DLEC1: variants seen among roughly 807,000 people sequenced by gnomAD.
DLEC1 encodes the protein deleted in lung and esophageal cancer protein 1.
A neutral mutation model predicts 198.1 loss-of-function variants in DLEC1; 146 were observed. The observed-to-expected ratio is 0.74, with a 90% confidence interval of 0.64 to 0.85. DLEC1 has a LOEUF of 0.85. Among genes scored for constraint, DLEC1 ranks in the 40% least tolerant of loss-of-function variants. The pLI is 0.00. For missense variants in DLEC1, 2,233 were observed against 2,220.0 expected (o/e 1.01, Z -0.12); for synonymous variants, 897 against 866.8 (o/e 1.03, Z -0.61).
intron 1 of DLEC1, among the ~76,000 whole-genome samples, chr3:38,043,517 AT>A (rs1275738822): frequency 6.6e-6 from 1 of 152,172 alleles, no homozygotes; most frequent in Non-Finnish European, 1.5e-5. Context: ...CTCCAAGAAG[AT>A]TTAGTTACTT....
intron 9 of DLEC1, among the ~76,000 whole-genome samples, chr3:38,087,712 A>G (rs894220995): frequency 4.6e-5 from 7 of 152,260 alleles, no homozygotes; most frequent in African/African-American, 1.7e-4. Flanking sequence ...TGACATTTCA[A>G]GATGTTCCAA....
rs9826039 is a variant in DLEC1, at chr3:38,096,229, G to A, written c.2171+283G>A. Among the ~76,000 whole-genome samples the A allele has an allele frequency of 0.12, 18,265 of 152,246 alleles. 1,536 individuals carry two copies. The highest frequency in any genetic ancestry group is 0.23 in the African/African-American group (9,501 of 41,512). On this transcript the variant is annotated intron_variant, in intron 14 of 36. Coordinates refer to ENST00000308059, the MANE Select transcript of DLEC1 (RefSeq NM_007335.4). Reference sequence around the variant, plus strand: ...GAGCCAAACTGGGGGGCCCTCGGTGGTGGTGAGTGTGGAGGAAAAGCTTTG... The same window carrying A: ...GAGCCAAACTGGGGGGCCCTCGGTGATGGTGAGTGTGGAGGAAAAGCTTTG...
chr3:38,109,074 G>A (rs761665377), intron 21 of DLEC1, among the ~76,000 whole-genome samples: 4 of 152,220 alleles, frequency 2.6e-5, no homozygotes, highest in Non-Finnish European at 5.9e-5. Context: ...GCTCTGGGAC[G>A]ACAGACAGGC....
rs536835556 is a variant in DLEC1 at position 38,049,663 on chromosome 3, C to T, written c.562+3970C>T. On this transcript the variant is annotated intron_variant, in intron 2 of 36. Coordinates refer to ENST00000308059, the MANE Select transcript of DLEC1 (RefSeq NM_007335.4). ...CTTTTCCAAGGCTCGGGGTACATGC[C>T]CAGGCCTGACAGCTCCTGCAGACAC... is the stretch of plus-strand genomic sequence containing the variant. Among the ~76,000 whole-genome samples the T allele has an allele frequency of 2.0e-5, 3 of 152,286 alleles. No individual in the cohort carries two copies. The East Asian group carries it at 5.8e-4, about 29-fold the overall frequency.
rs937821562 is a variant in DLEC1 at position 38,112,140 on chromosome 3, C to T, written c.3515-70C>T. The T allele has an allele frequency of 4.4e-6, 7 of 1,600,274 alleles. No homozygotes were observed. Among genetic ancestry groups the T allele is most frequent in the Non-Finnish European group, 6.0e-6 (7 of 1,171,788 alleles). On this transcript the variant is annotated intron_variant, in intron 24 of 36. Transcript: ENST00000308059. The surrounding 1 kb of genome is among the most constrained non-coding windows in gnomAD (Gnocchi z 4.8). ...CTTATCGGGGACAGTGCTTTGCTCA[C>T]ACACGAGGGTTTGGACCTCACTCCC...
In DLEC1 at chr3:38,117,272, T is replaced by C; in HGVS notation, c.4370T>C (p.Leu1457Pro). The C allele has an allele frequency of 6.2e-7, 1 of 1,614,126 alleles. No homozygotes were observed. Among genetic ancestry groups the C allele is most frequent in the Non-Finnish European group, 8.5e-7 (1 of 1,179,996 alleles). ...GACTTTGCGGTGGGACCCCTGAAAC[T>C]GGACCTGCATAGCTACGTGAGGCCT... ...LQDFAVGPLK[L>P]DLHSYVRPAQ... The change falls in exon 31 of 37, where the codon CTG becomes CCG. Residue 1457 changes from leucine to proline, a missense_variant. Physicochemically the swap from Leu to Pro is moderately conservative, Grantham distance 98. Transcript: ENST00000308059.
intron 9 of DLEC1, among the ~76,000 whole-genome samples, 173 bp from the exon 10 acceptor site, chr3:38,088,123 T>G (rs1009220106): frequency 6.6e-6 from 1 of 152,234 alleles, no homozygotes. Flanking sequence ...TGGTGATGGC[T>G]GAGTAAATGC....
intron 5 of DLEC1, among the ~76,000 whole-genome samples, chr3:38,063,472 TAGAAGAGAAG>T (rs755742333): frequency 6.7e-6 from 1 of 148,630 alleles, no homozygotes; most frequent in African/African-American, 2.5e-5. Context: ...AAAAAGAAAA[TAGAAGAGAAG>T]AGAAGAGAGG....
At chr3:38,091,930 G>C (rs1268457217) in intron 10 of DLEC1, among the ~76,000 whole-genome samples, 1 of 152,122 alleles carries the variant, frequency 6.6e-6, no homozygotes, top group Non-Finnish European at 1.5e-5. Context: ...AGCCGTTATG[G>C]AAAATAATAT....
chr3:38,097,684 A>G (rs1332558798), intron 17 of DLEC1, 47 bp downstream of exon 17: 1 of 1,613,784 alleles, frequency 6.2e-7, no homozygotes, highest in Non-Finnish European at 8.5e-7. Flanking sequence ...GAGAGGTGGC[A>G]GGGCTGGGAC....
At chr3:38,082,532 C>T (rs145060715) in intron 6 of DLEC1, among the ~76,000 whole-genome samples, 176 of 152,076 alleles carry the variant, frequency 1.2e-3, no homozygotes, top group Non-Finnish European at 2.1e-3. Flanking sequence ...GGTCAGGGCA[C>T]GGAAATAAGG....
At chr3:38,051,709 G>A in intron 2 of DLEC1, 1 of 205,736 alleles carries the variant, frequency 4.9e-6, no homozygotes. Context: ...TACCTTTAAA[G>A]GTCATGAACC....
chr3:38,107,201 G>C (rs558243396), intron 19 of DLEC1, among the ~76,000 whole-genome samples: 1 of 151,992 alleles, frequency 6.6e-6, no homozygotes, highest in African/African-American at 2.4e-5. Context: ...CTCTTGTTTA[G>C]CCAGGGTGGG....
At chr3:38,102,174 C>G (rs1389672623) in intron 19 of DLEC1, among the ~76,000 whole-genome samples, 2 of 152,128 alleles carry the variant, frequency 1.3e-5, no homozygotes, top group African/African-American at 4.8e-5. Flanking sequence ...CTTCTCTCCC[C>G]TATTGACAAG....
intron 21 of DLEC1, 90 bp downstream of exon 21, chr3:38,108,605 C>T: frequency 9.9e-7 from 1 of 1,013,992 alleles, no homozygotes; most frequent in Admixed American, 2.0e-5. Context: ...TAGCTTAGGC[C>T]ACATTGCTGG....
At position 38,058,720 on chromosome 3, in the gene DLEC1, G is replaced by A. The variant is rs1233070320; in HGVS notation, c.563-1022G>A. On this transcript the variant is annotated intron_variant, in intron 2 of 36. Transcript: ENST00000308059. ...AAGAGTGACCTGTAATGTAAACATG[G>A]ACTTTGGGTGATAATAATGTGTCTA... 3.3e-5 allele frequency among the ~76,000 whole-genome samples: 5 copies of A among 151,948 alleles called. No homozygotes were observed. The East Asian group carries it at 9.7e-4, about 29-fold the overall frequency.
At position 38,093,181 on chromosome 3, in the gene DLEC1, T is replaced by C. The variant is rs571701128; in HGVS notation, c.1756+301T>C. Among the ~76,000 whole-genome samples, 19 of 152,250 alleles carry C rather than the reference T, an allele frequency of 1.2e-4. No homozygotes were observed. In the South Asian group the frequency reaches 3.7e-3, roughly 30 times the overall value. Reference sequence around the variant, plus strand: ...ATTTTGAAACTCACTTTGATCTCCTTTGGGGAATTGCCAGTGGCTCACACA... The same window carrying C: ...ATTTTGAAACTCACTTTGATCTCCTCTGGGGAATTGCCAGTGGCTCACACA... On this transcript the variant is annotated intron_variant, in intron 11 of 36. Coordinates refer to ENST00000308059, the MANE Select transcript of DLEC1 (RefSeq NM_007335.4).
chr3:38,097,058 C>G, intron 15 of DLEC1, 124 bp from the exon 16 acceptor site: 1 of 997,722 alleles, frequency 1.0e-6, no homozygotes, highest in Non-Finnish European at 1.5e-6. Context: ...TTTGGGTGGC[C>G]AGGAATTAGC....
In DLEC1 at chr3:38,116,475, C is replaced by T; in HGVS notation, c.3879C>T (p.Thr1293=). The change falls in exon 28 of 37, where the codon ACC becomes ACT. Residue 1293 remains threonine, a synonymous_variant. Coordinates refer to ENST00000308059, the MANE Select transcript of DLEC1 (RefSeq NM_007335.4). ...CAGACATCCGCCTGGATTGGGAGAC[C>T]TATGTTCCAGAAGACAAGGAAGACC... ...SPCDIRLDWE[T]YVPEDKEDRL... 1 of 1,614,058 alleles carries T rather than the reference C, an allele frequency of 6.2e-7. No homozygotes were observed. The highest frequency in any genetic ancestry group is 8.5e-7 in the Non-Finnish European group (1 of 1,179,986).
Sources: gnomAD v4.1 joint callset for allele counts (sites outside exome capture counted in the v4.1 genomes callset) on GRCh38, gnomAD v4.1.1 for gene constraint, Gnocchi (gnomAD v3.1) non-coding constraint, MANE v1.5 for transcripts, NCBI Gene and HGNC (gene_info 2026-07-23, HGNC 2026-07-21) for gene names.